Variants in LARGE1 observed in about 807,000 individuals in gnomAD.
LARGE1 encodes the protein LARGE xylosyl- and glucuronyltransferase 1.
A neutral mutation model predicts 87.6 loss-of-function variants in LARGE1; 43 were observed. The ratio of observed to expected loss-of-function variants is 0.49; its 90% CI spans 0.38 to 0.63. LARGE1 has a LOEUF of 0.63. Among genes scored for constraint, LARGE1 ranks in the 30% least tolerant of loss-of-function variants. The probability of loss-of-function intolerance (pLI) is 0.00; values close to 1 mark genes in which losing one functional copy is unlikely to be tolerated. For missense variants in LARGE1, 802 were observed against 1,000.2 expected (o/e 0.80, Z 2.67); for synonymous variants, 434 against 394.6 (o/e 1.10, Z -1.18).
intron 1 of LARGE1, among the ~76,000 whole-genome samples, chr22:33,775,513 A>AC (rs11399120): frequency 1 from 152,207 of 152,214 alleles, 76,100 homozygotes; most frequent in Non-Finnish European, 1. Flanking sequence ...GGGGTAATTT[A>AC]CCCCAGGGGA....
At chr22:33,701,681 T>G (rs2082407799) in intron 2 of LARGE1, among the ~76,000 whole-genome samples, 1 of 152,180 alleles carries the variant, frequency 6.6e-6, no homozygotes, top group Non-Finnish European at 1.5e-5. Context: ...CAAAAGTGAT[T>G]GTAAGTGGAT....
intron 7 of LARGE1, among the ~76,000 whole-genome samples, chr22:33,424,116 GT>G (rs1447860775): frequency 2.6e-5 from 4 of 152,210 alleles, no homozygotes; most frequent in African/African-American, 9.6e-5. Flanking sequence ...TAGGGAGCAT[GT>G]TTAAAAGAAC....
intron 2 of LARGE1, among the ~76,000 whole-genome samples, chr22:33,677,885 T>C (rs1426416911): frequency 6.6e-6 from 1 of 152,186 alleles, no homozygotes; most frequent in Non-Finnish European, 1.5e-5. Context: ...TGGCCAAAGA[T>C]GGAACGCGGT....
At chr22:33,149,720 G>C in the LARGE1 span, among the ~76,000 whole-genome samples, 1 of 152,176 alleles carries the variant, frequency 6.6e-6, no homozygotes, top group South Asian at 2.1e-4. Flanking sequence ...TGCACTTCTG[G>C]AGTAATTCAC....
the LARGE1 span, among the ~76,000 whole-genome samples, chr22:33,120,460 CTT>C: frequency 3.4e-5 from 5 of 147,340 alleles, no homozygotes; most frequent in Admixed American, 7.0e-5. Context: ...CTCTCTCTCT[CTT>C]TCTTTCTTTC....
chr22:33,168,699 T>G (rs1922402521), intron 11 of LARGE1, among the ~76,000 whole-genome samples: 1 of 152,200 alleles, frequency 6.6e-6, no homozygotes, highest in Non-Finnish European at 1.5e-5. Flanking sequence ...TACATAACAT[T>G]CCAAGTTTTT....
Position 33,481,220 on chromosome 22 carries a change from T to TACACACACAC in LARGE1, c.788-48965_788-48956dup, listed in dbSNP as rs71785834. On this transcript the variant is annotated intron_variant, in intron 6 of 14. Coordinates refer to ENST00000397394, the MANE Select transcript of LARGE1 (RefSeq NM_133642.5). ...CCTTTATTATCATTGGCACTATAGA[T>TACACACACAC]ACACACACACACACACACACACACG... Among the ~76,000 whole-genome samples the TACACACACAC allele has an allele frequency of 3.2e-3, 467 of 146,690 alleles. 1 individual carries two copies. The highest frequency in any genetic ancestry group is 0.011 in the African/African-American group (451 of 39,922).
chr22:33,612,889 G>T (rs2079481250), intron 4 of LARGE1, among the ~76,000 whole-genome samples: 1 of 152,174 alleles, frequency 6.6e-6, no homozygotes, highest in South Asian at 2.1e-4. Context: ...CTTAAAGAAA[G>T]ATGCTACAAA....
At chr22:33,474,138 G>A (rs1240627450) in intron 6 of LARGE1, among the ~76,000 whole-genome samples, 1 of 152,044 alleles carries the variant, frequency 6.6e-6, no homozygotes, top group African/African-American at 2.4e-5. Context: ...GTTGGCCAAT[G>A]TATCTAGTCT....
the LARGE1 span, among the ~76,000 whole-genome samples, chr22:33,099,923 G>C: frequency 6.6e-6 from 1 of 152,132 alleles, no homozygotes; most frequent in Admixed American, 6.5e-5. Context: ...TTCAAGACTG[G>C]ACTCTTCATA....
chr22:33,107,284 C>T, the LARGE1 span, among the ~76,000 whole-genome samples: 1 of 142,708 alleles, frequency 7.0e-6, no homozygotes, highest in Non-Finnish European at 1.6e-5. Context: ...AAATATCACA[C>T]TGCATGCAAT....
chr22:33,399,910 A>G (rs753647476), intron 7 of LARGE1, among the ~76,000 whole-genome samples: 3 of 152,218 alleles, frequency 2.0e-5, no homozygotes, highest in Non-Finnish European at 4.4e-5. Flanking sequence ...GTAAAGTAAT[A>G]TCACTGTCAT....
At chr22:33,728,564 A>AC (rs2083348076) in intron 2 of LARGE1, among the ~76,000 whole-genome samples, 3 of 148,544 alleles carry the variant, frequency 2.0e-5, no homozygotes, top group African/African-American at 5.0e-5. Flanking sequence ...AAAAAAAAAA[A>AC]AAAAAAAAAA....
the LARGE1 span, among the ~76,000 whole-genome samples, chr22:33,154,307 C>A: frequency 6.6e-6 from 1 of 152,168 alleles, no homozygotes; most frequent in Non-Finnish European, 1.5e-5. Flanking sequence ...GTGGCATGAA[C>A]TCAGCTCACT....
chr22:33,320,216 C>T (rs1441079628), intron 10 of LARGE1, among the ~76,000 whole-genome samples: 2 of 152,094 alleles, frequency 1.3e-5, no homozygotes, highest in Admixed American at 6.5e-5. Flanking sequence ...CACTCTGTGG[C>T]CTCATCATTG....
intron 2 of LARGE1, among the ~76,000 whole-genome samples, chr22:33,745,152 T>A (rs16992945): frequency 0.025 from 3,735 of 152,296 alleles, 118 homozygotes; most frequent in African/African-American, 0.075. Flanking sequence ...AAGGGTCTCT[T>A]TCTGATGACT....
chr22:33,192,832 G>A (rs1474219946), intron 11 of LARGE1, among the ~76,000 whole-genome samples: 5 of 152,078 alleles, frequency 3.3e-5, no homozygotes, highest in Non-Finnish European at 1.5e-5. Flanking sequence ...TTCATTCTGA[G>A]CTGATTTTTG....
the LARGE1 span, among the ~76,000 whole-genome samples, chr22:33,116,871 G>A: frequency 6.6e-6 from 1 of 152,160 alleles, no homozygotes; most frequent in Non-Finnish European, 1.5e-5. Flanking sequence ...CAAGTAGCAC[G>A]GGATTTAAAA....
At chr22:33,692,568 C>G (rs541681450) in intron 2 of LARGE1, among the ~76,000 whole-genome samples, 1 of 152,332 alleles carries the variant, frequency 6.6e-6, no homozygotes, top group East Asian at 1.9e-4. Context: ...GCCTTGGCCT[C>G]CCAAAGTGGT....
Sources: gnomAD v4.1 joint callset for allele counts (sites outside exome capture counted in the v4.1 genomes callset) on GRCh38, gnomAD v4.1.1 for gene constraint, MANE v1.5 for transcripts, NCBI Gene and HGNC (gene_info 2026-07-23, HGNC 2026-07-21) for gene names.